Variants in SH3BGRL observed in about 807,000 individuals in gnomAD.
SH3BGRL encodes the protein adapter SH3BGRL.
Under a neutral mutation model 9.8 loss-of-function variants are expected in SH3BGRL, and 7 were observed. The observed-to-expected ratio is 0.72, with a 90% CI of 0.41 to 1.35. SH3BGRL has a LOEUF of 1.35. SH3BGRL is among the 40% of genes most tolerant of loss of function. The pLI is 0.01. For synonymous variants in SH3BGRL, 36 were observed against 29.1 expected (o/e 1.24, Z -0.76); for missense variants, 73 against 84.4 (o/e 0.86, Z 0.53).
At chrX:81,211,381 C>T (rs769256711) in intron 1 of SH3BGRL, among the ~76,000 whole-genome samples, 3 of 111,503 alleles carry the variant, frequency 2.7e-5, no homozygotes, top group Middle Eastern at 4.6e-3. Context: ...GTCAGGAGAT[C>T]AAGACCATCC....
chrX:81,244,854 AAAAG>A (rs1357153163), intron 1 of SH3BGRL, among the ~76,000 whole-genome samples: 1 of 111,198 alleles, frequency 9.0e-6, no homozygotes, highest in Non-Finnish European at 1.9e-5. Flanking sequence ...GTGTTCAGGT[AAAAG>A]AAAGATTCTT....
intron 2 of SH3BGRL, among the ~76,000 whole-genome samples, chrX:81,277,456 A>C (rs867194716): frequency 8.9e-6 from 1 of 112,483 alleles, no homozygotes; most frequent in Non-Finnish European, 1.9e-5. Flanking sequence ...AAATTTAGTC[A>C]TGTGAAGATT....
chrX:81,241,262 C>T (rs1217138299), intron 1 of SH3BGRL, among the ~76,000 whole-genome samples: 2 of 112,228 alleles, frequency 1.8e-5, no homozygotes, highest in African/African-American at 3.2e-5. Context: ...GGTTGCTTGG[C>T]ACGGGCCTGC....
intron 3 of SH3BGRL, 112 bp from the exon 4 acceptor site, chrX:81,297,083 G>C: frequency 1.9e-6 from 1 of 517,663 alleles, no homozygotes; most frequent in Non-Finnish European, 3.1e-6. Flanking sequence ...ATCTCTTCTG[G>C]GGGCTTTTGT....
chrX:81,295,326 A>T (rs749105973), intron 3 of SH3BGRL, among the ~76,000 whole-genome samples: 3 of 111,636 alleles, frequency 2.7e-5, no homozygotes, highest in Non-Finnish European at 5.6e-5. Context: ...TTGAATCATG[A>T]AGGCAGTTTC....
chrX:81,255,041 C>T (rs951732977), intron 1 of SH3BGRL, among the ~76,000 whole-genome samples: 1 of 110,164 alleles, frequency 9.1e-6, no homozygotes, highest in Non-Finnish European at 1.9e-5. Flanking sequence ...AGACGTGCGC[C>T]ACCACACCTG....
intron 1 of SH3BGRL, among the ~76,000 whole-genome samples, chrX:81,267,683 C>G (rs1298537422): frequency 9.0e-6 from 1 of 111,494 alleles, no homozygotes; most frequent in Admixed American, 9.5e-5. Flanking sequence ...TTGTGTGTGT[C>G]TCTGCCCTGC....
At chrX:81,228,879 A>G (rs767178079) in intron 1 of SH3BGRL, among the ~76,000 whole-genome samples, 1 of 112,214 alleles carries the variant, frequency 8.9e-6, no homozygotes, top group South Asian at 3.7e-4. Flanking sequence ...AATGACTTAT[A>G]GCTGTGACAT....
chrX:81,282,142 CAT>C (rs2075819608), intron 3 of SH3BGRL, among the ~76,000 whole-genome samples: 1 of 111,724 alleles, frequency 9.0e-6, no homozygotes, highest in African/African-American at 3.2e-5. Context: ...CAATCTTAAA[CAT>C]ATATGCACCT....
At chrX:81,210,409 T>A (rs2075559690) in intron 1 of SH3BGRL, among the ~76,000 whole-genome samples, 1 of 111,847 alleles carries the variant, frequency 8.9e-6, no homozygotes, top group Non-Finnish European at 1.9e-5. Flanking sequence ...AATTACTTAA[T>A]TTATTAAACA....
At chrX:81,284,432 A>T (rs1483930839) in intron 3 of SH3BGRL, among the ~76,000 whole-genome samples, 1 of 110,531 alleles carries the variant, frequency 9.0e-6, no homozygotes, top group South Asian at 3.8e-4. Context: ...AGGATTTAGG[A>T]ATTAATGAGT....
Position 81,233,163 on chromosome X carries a change from TAAC to T in SH3BGRL, c.45+30921_45+30923del, listed in dbSNP as rs769366942. 1.2e-4 allele frequency among the ~76,000 whole-genome samples: 14 copies of T among 112,123 alleles called. No individual in the cohort carries two copies. In the East Asian group the frequency reaches 3.4e-3, roughly 27 times the overall value. On this transcript the variant is annotated intron_variant, in intron 1 of 3. Transcript: ENST00000373212. ...TACAATTGATTGGGAGAACAAATAA[TAAC>T]AAGAAGCTGTCATGAATTTGGTAAC...
chrX:81,271,806 G>A (rs1041991085), intron 1 of SH3BGRL, among the ~76,000 whole-genome samples: 1 of 110,970 alleles, frequency 9.0e-6, no homozygotes, highest in African/African-American at 3.3e-5. Context: ...AGATTACGTT[G>A]CATTGTGATC....
chrX:81,283,773 C>T (rs889228607), intron 3 of SH3BGRL, among the ~76,000 whole-genome samples: 24 of 110,711 alleles, frequency 2.2e-4, no homozygotes, highest in African/African-American at 7.6e-4. Flanking sequence ...CATGGATGCC[C>T]ACTGTCACCA....
In SH3BGRL at chrX:81,211,360, C is replaced by T. The variant is rs774856731; in HGVS notation, c.45+9115C>T. Among the ~76,000 whole-genome samples the T allele has an allele frequency of 1.7e-4, 19 of 111,131 alleles. No homozygotes were observed. The Middle Eastern group carries it at 0.019, about 108-fold the overall frequency. On this transcript the variant is annotated intron_variant, in intron 1 of 3. Transcript: ENST00000373212. ...AGCACTTTGTGGGGGCCGAGGCGGG[C>T]GGATCACGAGGTCAGGAGATCAAGA... is the stretch of plus-strand genomic sequence containing the variant.
At chrX:81,230,280 C>T (rs979958515) in intron 1 of SH3BGRL, among the ~76,000 whole-genome samples, 2 of 111,953 alleles carry the variant, frequency 1.8e-5, no homozygotes, top group African/African-American at 6.5e-5. Flanking sequence ...AGACATAGCC[C>T]CTACTTTCAT....
intron 3 of SH3BGRL, among the ~76,000 whole-genome samples, chrX:81,289,827 C>T (rs988999547): frequency 8.9e-6 from 1 of 111,883 alleles, no homozygotes; most frequent in Admixed American, 9.5e-5. Flanking sequence ...CACTGCACTT[C>T]AGCCTGGTTG....
chrX:81,252,427 G>C (rs747327326), intron 1 of SH3BGRL, among the ~76,000 whole-genome samples: 4 of 111,837 alleles, frequency 3.6e-5, no homozygotes, highest in Admixed American at 1.9e-4. Flanking sequence ...AATCATTCCA[G>C]TTGTGCATAT....
chrX:81,295,239 G>A (rs779836550), intron 3 of SH3BGRL, among the ~76,000 whole-genome samples: 1 of 111,543 alleles, frequency 9.0e-6, no homozygotes. Context: ...TTGTCACTTT[G>A]TTCTCACCCA....
Sources: gnomAD v4.1 joint callset for allele counts (sites outside exome capture counted in the v4.1 genomes callset) on GRCh38, gnomAD v4.1.1 for gene constraint, MANE v1.5 for transcripts, NCBI Gene and HGNC (gene_info 2026-07-23, HGNC 2026-07-21) for gene names.